GRM3: variants seen among roughly 807,000 people sequenced by gnomAD.
GRM3 encodes the protein glutamate metabotropic receptor 3.
In GRM3, 26 loss-of-function variants were observed where a neutral mutation model predicts 70.5. That is an observed-to-expected ratio of 0.37 (90% CI 0.27 to 0.51). The LOEUF (loss-of-function observed/expected upper bound fraction) is 0.51, where lower values mean the gene tolerates loss of function less well. Ranked by LOEUF, GRM3 falls within the 20% of genes least tolerant of loss-of-function variation. The probability of loss-of-function intolerance (pLI) is 0.93; values close to 1 mark genes in which losing one functional copy is unlikely to be tolerated. For missense variants in GRM3, 859 were observed against 1,123.8 expected (o/e 0.76, Z 3.37); for synonymous variants, 443 against 434.9 (o/e 1.02, Z -0.23).
At chr7:86,756,020 A>G (rs1796336839) in intron 1 of GRM3, among the ~76,000 whole-genome samples, 1 of 152,120 alleles carries the variant, frequency 6.6e-6, no homozygotes, top group South Asian at 2.1e-4. Context: ...TTGATTTTCC[A>G]TCTGGTGTTG....
intron 1 of GRM3, among the ~76,000 whole-genome samples, chr7:86,645,160 C>G (rs748105015): frequency 3.9e-5 from 6 of 152,114 alleles, no homozygotes; most frequent in Non-Finnish European, 7.4e-5. Context: ...CACTCGCAGA[C>G]CCCAGAGAGA....
Position 86,850,520 on chromosome 7 carries a change from GGAA to G in GRM3, c.2543_2545del (p.Gly848_Thr849delinsAla). On this transcript the variant is annotated inframe_deletion, in exon 5 of 6. Coordinates refer to ENST00000361669, the MANE Select transcript of GRM3 (RefSeq NM_000840.3). ...GCACCTCAACAGGTTCAGTGTCAGT[GGAA>G]CTGGGACCACATACTCTCAGTGTAA... 6.2e-7 allele frequency: 1 copy of G among 1,610,236 alleles called. No homozygotes were observed. The highest frequency in any genetic ancestry group is 1.1e-5 in the South Asian group (1 of 90,970).
At chr7:86,861,904 G>C (rs577660090) in intron 5 of GRM3, among the ~76,000 whole-genome samples, 1 of 152,202 alleles carries the variant, frequency 6.6e-6, no homozygotes, top group Non-Finnish European at 1.5e-5. Context: ...GGCCAGTGGT[G>C]CAGCTCTTGC....
chr7:86,767,830 T>C (rs968941141), intron 2 of GRM3, among the ~76,000 whole-genome samples: 2 of 151,966 alleles, frequency 1.3e-5, no homozygotes, highest in African/African-American at 4.8e-5. Flanking sequence ...ATTTTACTCT[T>C]TTACTACCTA....
Position 86,765,081 on chromosome 7 carries a change from G to A in GRM3, c.-65G>A, listed in dbSNP as rs1796567275. The stretch of plus-strand genomic sequence containing the variant: ...GGCCAAAGATCCAGTTTGGAAATGA[G>A]AGAGGACTAGCATGACACATTGGCT... On this transcript the variant is annotated 5_prime_UTR_variant, in exon 2 of 6. Transcript: ENST00000361669. The A allele has an allele frequency of 6.6e-7, 1 of 1,506,912 alleles. No individual in the cohort carries two copies. Among genetic ancestry groups the A allele is most frequent in the African/African-American group, 1.4e-5 (1 of 71,538 alleles). The allele number at this position is 1,506,912 out of a possible 1,614,324, so 93.3% of individuals were successfully genotyped here.
intron 5 of GRM3, among the ~76,000 whole-genome samples, chr7:86,859,302 G>A (rs1412691268): frequency 2.0e-5 from 3 of 152,066 alleles, no homozygotes; most frequent in Non-Finnish European, 2.9e-5. Flanking sequence ...GCCTTCCCCT[G>A]TGAAATCTCT....
intron 3 of GRM3, among the ~76,000 whole-genome samples, chr7:86,837,420 G>A (rs755428866): frequency 1.3e-5 from 2 of 152,144 alleles, no homozygotes; most frequent in Admixed American, 6.5e-5. Flanking sequence ...AGGCAACAAA[G>A]ACAGCCAATA....
At chr7:86,699,450 G>A (rs974109518) in intron 1 of GRM3, among the ~76,000 whole-genome samples, 2 of 151,824 alleles carry the variant, frequency 1.3e-5, no homozygotes, top group Admixed American at 6.6e-5. Context: ...TAACTTTATT[G>A]TATTTCCCAT....
intron 1 of GRM3, among the ~76,000 whole-genome samples, chr7:86,674,799 T>C (rs995152251): frequency 2.6e-5 from 4 of 152,090 alleles, no homozygotes; most frequent in African/African-American, 9.7e-5. Flanking sequence ...ATTCACTATA[T>C]ACTACTGTTT....
intron 2 of GRM3, among the ~76,000 whole-genome samples, chr7:86,785,629 CA>C (rs953742407): frequency 3.0e-5 from 4 of 133,614 alleles, no homozygotes; most frequent in African/African-American, 1.1e-4. Flanking sequence ...TCAAGATTTT[CA>C]GGAGTTTAGA....
Position 86,839,706 on chromosome 7 carries a change from A to G in GRM3, c.2192A>G (p.Asn731Ser). Residue 731 changes from asparagine to serine, a missense_variant, in exon 4 of 6, where the codon AAT becomes AGT. Asn to Ser is a conservative substitution (Grantham distance 46, BLOSUM62 1). Coordinates refer to ENST00000361669, the MANE Select transcript of GRM3 (RefSeq NM_000840.3). This position sits in a 1 kb window ranked among gnomAD's most constrained non-coding sequence, Gnocchi z 4.5. ...CGGGAAACAGTCATCCTAAAATGCA[A>G]TGTCAAAGATTCCAGCATGTTGATC... ...EKRETVILKC[N>S]VKDSSMLISL... 2 of 1,614,064 alleles carry G rather than the reference A, an allele frequency of 1.2e-6. No homozygotes were observed. The highest frequency in any genetic ancestry group is 1.7e-6 in the Non-Finnish European group (2 of 1,179,976).
At chr7:86,859,935 C>A (rs989080803) in intron 5 of GRM3, among the ~76,000 whole-genome samples, 1 of 152,134 alleles carries the variant, frequency 6.6e-6, no homozygotes, top group Non-Finnish European at 1.5e-5. Flanking sequence ...GCAAAATATG[C>A]CTTTTGATGG....
chr7:86,815,994 T>G (rs1221973966), intron 3 of GRM3, among the ~76,000 whole-genome samples: 1 of 151,888 alleles, frequency 6.6e-6, no homozygotes, highest in Non-Finnish European at 1.5e-5. Flanking sequence ...TTGACTCTAT[T>G]ATTCGTATAA....
intron 3 of GRM3, among the ~76,000 whole-genome samples, chr7:86,794,049 G>T (rs949400539): frequency 6.6e-6 from 1 of 151,924 alleles, no homozygotes; most frequent in African/African-American, 2.4e-5. Flanking sequence ...GGTATCTGGA[G>T]ATTGGAAAAA....
chr7:86,857,799 AAG>A (rs550664649), intron 5 of GRM3, among the ~76,000 whole-genome samples: 1 of 152,298 alleles, frequency 6.6e-6, no homozygotes, highest in South Asian at 2.1e-4. Context: ...TTGGGCAACT[AAG>A]AGAGTGAAAA....
intron 3 of GRM3, among the ~76,000 whole-genome samples, chr7:86,800,384 A>G (rs1584252929): frequency 6.6e-6 from 1 of 152,188 alleles, no homozygotes; most frequent in African/African-American, 2.4e-5. Flanking sequence ...AATTAAATAG[A>G]TAGACTGCTG....
In GRM3 at chr7:86,671,473, C is replaced by G. The variant is rs802453; in HGVS notation, c.-141+26601C>G. Among the ~76,000 whole-genome samples, 47 of 152,296 alleles carry G rather than the reference C, an allele frequency of 3.1e-4. 1 individual carries two copies. Among genetic ancestry groups the G allele is most frequent in the African/African-American group, 1.1e-3 (45 of 41,580 alleles). ...TCTCAATGATTTTATTTACCAAATT[C>G]TGTGCCCATATTTTGTTTCCAGTAA... On this transcript the variant is annotated intron_variant, in intron 1 of 5. Coordinates refer to ENST00000361669, the MANE Select transcript of GRM3 (RefSeq NM_000840.3).
chr7:86,661,367 G>A (rs1793889777), intron 1 of GRM3, among the ~76,000 whole-genome samples: 1 of 151,874 alleles, frequency 6.6e-6, no homozygotes, highest in Admixed American at 6.6e-5. Flanking sequence ...TACATCCATC[G>A]ATCCTTCCCA....
intron 1 of GRM3, among the ~76,000 whole-genome samples, chr7:86,700,630 A>G (rs1794926317): frequency 6.6e-6 from 1 of 151,960 alleles, no homozygotes; most frequent in Non-Finnish European, 1.5e-5. Flanking sequence ...CAGTTATCTT[A>G]GTTATGTCCC....
Sources: allele counts gnomAD v4.1 joint callset (sites outside exome capture counted in the v4.1 genomes callset), GRCh38; gene constraint gnomAD v4.1.1; non-coding constraint Gnocchi (gnomAD v3.1); transcripts MANE v1.5; gene names NCBI Gene and HGNC (gene_info 2026-07-23, HGNC 2026-07-21).